Variants in RRAGB observed in about 807,000 individuals in gnomAD.
RRAGB encodes the protein Ras related GTP binding B.
In RRAGB, 6 loss-of-function variants were observed where a neutral mutation model predicts 29.3. The ratio of observed to expected loss-of-function variants is 0.21; its 90% CI spans 0.11 to 0.40. The LOEUF (loss-of-function observed/expected upper bound fraction) is 0.40, where lower values mean the gene tolerates loss of function less well. Among genes scored for constraint, RRAGB ranks in the 10% least tolerant of loss-of-function variants. RRAGB has a pLI of 1.00. For missense variants in RRAGB, 184 were observed against 272.9 expected (o/e 0.67, Z 2.29); for synonymous variants, 101 against 92.5 (o/e 1.09, Z -0.53).
At chrX:55,749,343 G>T (rs1261739930) in intron 5 of RRAGB, among the ~76,000 whole-genome samples, 21 of 91,248 alleles carry the variant, frequency 2.3e-4, no homozygotes, top group African/African-American at 8.0e-4. Flanking sequence ...CCGGCCAGCC[G>T]CCCCATCCGG....
At chrX:55,735,091 T>C (rs1569242486) in intron 5 of RRAGB, among the ~76,000 whole-genome samples, 1 of 112,099 alleles carries the variant, frequency 8.9e-6, no homozygotes, top group Non-Finnish European at 1.9e-5. Flanking sequence ...AGAATGTATA[T>C]TCTGCAGTTT....
At chrX:55,729,637 G>A (rs2033605667) in intron 4 of RRAGB, among the ~76,000 whole-genome samples, 1 of 111,443 alleles carries the variant, frequency 9.0e-6, no homozygotes, top group South Asian at 3.8e-4. Context: ...AATAAATTAG[G>A]TTTCTGTCTC....
At chrX:55,738,185 A>G (rs1342886358) in intron 5 of RRAGB, among the ~76,000 whole-genome samples, 2 of 111,822 alleles carry the variant, frequency 1.8e-5, no homozygotes, top group Non-Finnish European at 3.8e-5. Flanking sequence ...AAGCTCCAGC[A>G]CTCTCCGCTT....
intron 5 of RRAGB, among the ~76,000 whole-genome samples, chrX:55,748,507 C>T (rs2034345533): frequency 9.1e-6 from 1 of 109,782 alleles, no homozygotes; most frequent in South Asian, 4.0e-4. Flanking sequence ...GTGGGGAGCG[C>T]CTCTGCCCCG....
At chrX:55,728,768 T>G (rs2033568585) in intron 3 of RRAGB, among the ~76,000 whole-genome samples, 1 of 110,652 alleles carries the variant, frequency 9.0e-6, no homozygotes, top group Admixed American at 9.6e-5. Context: ...GGTTATAAAA[T>G]AAGGAATGGA....
In RRAGB at chrX:55,741,053, G is replaced by A. The variant is rs78927174; in HGVS notation, c.516+9467G>A. Reference sequence around the variant, plus strand: ...TTTTTTTTTTTTTTTTGCTCAGCTCGTGAGCAAACCTTTTGAGCTTTTTCA... The same window carrying A: ...TTTTTTTTTTTTTTTTGCTCAGCTCATGAGCAAACCTTTTGAGCTTTTTCA... On this transcript the variant is annotated intron_variant, in intron 5 of 9. Transcript: ENST00000374941. 2.8e-3 allele frequency among the ~76,000 whole-genome samples: 266 copies of A among 96,105 alleles called. 2 individuals are homozygous for A. Among genetic ancestry groups the A allele is most frequent in the Non-Finnish European group, 4.0e-3 (196 of 49,260 alleles). The allele number at this position is 96,105 out of a possible 115,157, so 83.5% of individuals were successfully genotyped here.
At chrX:55,757,605 A>G (rs1017382397) in intron 9 of RRAGB, among the ~76,000 whole-genome samples, 1 of 112,356 alleles carries the variant, frequency 8.9e-6, no homozygotes, top group African/African-American at 3.2e-5. Context: ...AAGCTTAAAA[A>G]TAATTTAGCT....
chrX:55,739,864 G>A (rs5914437), intron 5 of RRAGB, among the ~76,000 whole-genome samples: 57,589 of 110,995 alleles, frequency 0.52, 12,885 homozygotes, highest in East Asian at 0.74. Context: ...TTCTAAATGC[G>A]TATATAAAGA....
chrX:55,731,239 T>C (rs1383335435), intron 4 of RRAGB, 125 bp from the exon 5 acceptor site: 3 of 509,519 alleles, frequency 5.9e-6, no homozygotes, highest in Non-Finnish European at 9.6e-6. Context: ...TTATTTGTTA[T>C]GATTTGCCCT....
intron 5 of RRAGB, among the ~76,000 whole-genome samples, chrX:55,739,198 CTA>C (rs986151199): frequency 6.2e-5 from 7 of 113,055 alleles, no homozygotes; most frequent in Admixed American, 1.9e-4. Flanking sequence ...GAGACAGAAA[CTA>C]TGCCTTTCAG....
intron 2 of RRAGB, among the ~76,000 whole-genome samples, chrX:55,721,697 A>G (rs2033285176): frequency 9.0e-6 from 1 of 111,593 alleles, no homozygotes; most frequent in South Asian, 3.8e-4. Flanking sequence ...AAAAGGAGGG[A>G]CAGTAATAAA....
chrX:55,746,665 A>T lies in RRAGB; in HGVS notation c.517-4436A>T, dbSNP rs932208082. Among the ~76,000 whole-genome samples the T allele has an allele frequency of 2.7e-5, 3 of 112,233 alleles. No individual in the cohort carries two copies. The Admixed American group carries it at 2.8e-4, about 11-fold the overall frequency. On this transcript the variant is annotated intron_variant, in intron 5 of 9. Coordinates refer to ENST00000374941, the MANE Select transcript of RRAGB (RefSeq NM_006064.5). The stretch of plus-strand genomic sequence containing the variant: ...CTTAAATGAATCTGTTAATACTTGA[A>T]CATTACAATGTCCCTAAAGCCTCTT...
intron 5 of RRAGB, among the ~76,000 whole-genome samples, chrX:55,735,965 C>T (rs1215227705): frequency 8.9e-6 from 1 of 112,348 alleles, no homozygotes; most frequent in Admixed American, 9.4e-5. Context: ...AAGGTTTCTG[C>T]TGAGAAGTCT....
At chrX:55,751,053 G>A in intron 5 of RRAGB, 48 bp from the exon 6 acceptor site, 1 of 733,406 alleles carries the variant, frequency 1.4e-6, no homozygotes, top group Non-Finnish European at 2.0e-6. Context: ...TAGCTTGAAA[G>A]ATGGGAACTA....
intron 5 of RRAGB, among the ~76,000 whole-genome samples, chrX:55,740,172 AATTAGCTGGGCGC>A (rs1031330587): frequency 9.0e-6 from 1 of 111,032 alleles, no homozygotes; most frequent in African/African-American, 3.3e-5. Context: ...AAATACAAAA[AATTAGCTGGGCGC>A]AGTGGCGGGC....
At chrX:55,735,631 T>A (rs1354401354) in intron 5 of RRAGB, among the ~76,000 whole-genome samples, 1 of 112,628 alleles carries the variant, frequency 8.9e-6, no homozygotes, top group Admixed American at 9.4e-5. Flanking sequence ...TATTGACATG[T>A]GATGTACTGT....
chrX:55,720,862 A>G (rs1170002597), intron 2 of RRAGB, among the ~76,000 whole-genome samples: 4 of 110,963 alleles, frequency 3.6e-5, no homozygotes, highest in African/African-American at 1.3e-4. Flanking sequence ...TGGATGATAG[A>G]GTGAGACTTG....
chrX:55,723,112 C>G (rs1192776690), intron 3 of RRAGB, among the ~76,000 whole-genome samples: 1 of 111,216 alleles, frequency 9.0e-6, no homozygotes, highest in African/African-American at 3.3e-5. Context: ...TGTAGACTCT[C>G]ATAATTGGGG....
At chrX:55,718,964 A>G (rs2033160543) in intron 1 of RRAGB, among the ~76,000 whole-genome samples, 1 of 112,056 alleles carries the variant, frequency 8.9e-6, no homozygotes, top group Non-Finnish European at 1.9e-5. Context: ...GGATATCAAT[A>G]TATTCTGTTT....
Sources: allele counts gnomAD v4.1 joint callset (sites outside exome capture counted in the v4.1 genomes callset), GRCh38; gene constraint gnomAD v4.1.1; transcripts MANE v1.5; gene names NCBI Gene and HGNC (gene_info 2026-07-23, HGNC 2026-07-21).